The following RNGTT variants were observed in gnomAD, a reference collection of about 807,000 sequenced individuals.
RNGTT encodes the protein mRNA-capping enzyme.
Under a neutral mutation model 79.3 loss-of-function variants are expected in RNGTT, and 33 were observed. The ratio of observed to expected loss-of-function variants is 0.42; its 90% CI spans 0.32 to 0.56. RNGTT has a LOEUF of 0.56. RNGTT is among the 20% of genes least tolerant of loss of function. The pLI is 0.17. For synonymous variants in RNGTT, 222 were observed against 235.9 expected (o/e 0.94, Z 0.54); for missense variants, 497 against 739.1 (o/e 0.67, Z 3.80).
chr6:88,903,282 G>C (rs1034749529), intron 6 of RNGTT, among the ~76,000 whole-genome samples: 2 of 152,278 alleles, frequency 1.3e-5, no homozygotes, highest in East Asian at 1.9e-4. Context: ...GAGGTAGAAG[G>C]ATCACTGAAC....
intron 6 of RNGTT, among the ~76,000 whole-genome samples, chr6:88,895,610 T>C (rs1783218898): frequency 6.6e-6 from 1 of 152,038 alleles, no homozygotes; most frequent in Admixed American, 6.6e-5. Flanking sequence ...AAAAATAAAG[T>C]CTCAAACCAA....
At chr6:88,931,564 G>C (rs1784514605) in intron 2 of RNGTT, among the ~76,000 whole-genome samples, 1 of 152,128 alleles carries the variant, frequency 6.6e-6, no homozygotes, top group Non-Finnish European at 1.5e-5. Flanking sequence ...GGTACCATGT[G>C]ATGCCTAAGA....
chr6:88,779,500 G>C (rs1422854363), intron 12 of RNGTT, among the ~76,000 whole-genome samples: 1 of 151,828 alleles, frequency 6.6e-6, no homozygotes. Flanking sequence ...ACATTCTCTT[G>C]CCTGGAAATC....
At chr6:88,875,827 A>T (rs895290117) in intron 8 of RNGTT, among the ~76,000 whole-genome samples, 13 of 152,218 alleles carry the variant, frequency 8.5e-5, no homozygotes, top group African/African-American at 2.9e-4. Flanking sequence ...AGCAATTTTA[A>T]AATTCATTTT....
chr6:88,834,461 G>A (rs1033623688), intron 11 of RNGTT, among the ~76,000 whole-genome samples: 1 of 152,118 alleles, frequency 6.6e-6, no homozygotes, highest in African/African-American at 2.4e-5. Flanking sequence ...ACATGATAAG[G>A]AATGGTCATC....
intron 13 of RNGTT, among the ~76,000 whole-genome samples, chr6:88,761,060 C>A (rs1778216441): frequency 6.7e-6 from 1 of 149,188 alleles, no homozygotes; most frequent in African/African-American, 2.5e-5. Flanking sequence ...CACATACACT[C>A]TAGTCAGCAG....
At chr6:88,941,772 T>C (rs575226452) in intron 1 of RNGTT, among the ~76,000 whole-genome samples, 9 of 151,918 alleles carry the variant, frequency 5.9e-5, no homozygotes, top group African/African-American at 2.2e-4. Context: ...CATGCCATTC[T>C]CCTGCCTCAG....
intron 8 of RNGTT, among the ~76,000 whole-genome samples, chr6:88,867,085 C>T (rs1582560264): frequency 6.6e-6 from 1 of 152,190 alleles, no homozygotes. Flanking sequence ...TCAGAATTAG[C>T]ATTTTAACAA....
chr6:88,824,288 T>C (rs1223497718), intron 11 of RNGTT, among the ~76,000 whole-genome samples: 1 of 152,164 alleles, frequency 6.6e-6, no homozygotes, highest in South Asian at 2.1e-4. Flanking sequence ...GCTACAAACC[T>C]GTACAGCATG....
At chr6:88,637,505 T>C (rs367656545) in intron 14 of RNGTT, among the ~76,000 whole-genome samples, 2 of 152,200 alleles carry the variant, frequency 1.3e-5, no homozygotes, top group South Asian at 2.1e-4. Flanking sequence ...AAGTTAGATA[T>C]CTGTGTCACA....
In RNGTT at chr6:88,654,276, C is replaced by T. The variant is rs534951925; in HGVS notation, c.1506+24077G>A. Among the ~76,000 whole-genome samples, 20 of 152,286 alleles carry T rather than the reference C, an allele frequency of 1.3e-4. 1 individual carries two copies. The South Asian group carries it at 3.1e-3, about 24-fold the overall frequency. On this transcript the variant is annotated intron_variant, in intron 14 of 15. Coordinates refer to ENST00000369485, the MANE Select transcript of RNGTT (RefSeq NM_003800.5). The stretch of plus-strand genomic sequence containing the variant: ...TCTTTTATTACTGTAATATGAAACA[C>T]TGAAAATTTTCCTCATCATTAAGAG...
intron 13 of RNGTT, among the ~76,000 whole-genome samples, chr6:88,683,019 T>C (rs1775148612): frequency 6.6e-6 from 1 of 152,006 alleles, no homozygotes; most frequent in South Asian, 2.1e-4. Flanking sequence ...CCAAAATATA[T>C]ATATGAAAAA....
chr6:88,700,814 G>C (rs745978697), intron 13 of RNGTT, among the ~76,000 whole-genome samples: 1 of 152,100 alleles, frequency 6.6e-6, no homozygotes, highest in Non-Finnish European at 1.5e-5. Flanking sequence ...TGGATGAATA[G>C]ATATGACTTA....
intron 8 of RNGTT, among the ~76,000 whole-genome samples, chr6:88,860,031 C>G (rs1781959696): frequency 6.6e-6 from 1 of 152,160 alleles, no homozygotes; most frequent in Non-Finnish European, 1.5e-5. Flanking sequence ...AGTTCATCAC[C>G]ACATAATGTA....
At chr6:88,713,737 T>A (rs1776400391) in intron 13 of RNGTT, among the ~76,000 whole-genome samples, 1 of 152,240 alleles carries the variant, frequency 6.6e-6, no homozygotes, top group African/African-American at 2.4e-5. Context: ...AAGAAAATAT[T>A]TTTTTAAAAT....
chr6:88,650,574 G>C (rs570988590), intron 14 of RNGTT, among the ~76,000 whole-genome samples: 1 of 151,988 alleles, frequency 6.6e-6, no homozygotes, highest in African/African-American at 2.4e-5. Context: ...TGTTTTCACT[G>C]AATCTAGCGT....
chr6:88,852,752 C>T (rs1781714767), intron 9 of RNGTT, among the ~76,000 whole-genome samples: 1 of 152,142 alleles, frequency 6.6e-6, no homozygotes, highest in African/African-American at 2.4e-5. Context: ...CTTGTACGGA[C>T]ATGTAGGCCC....
chr6:88,709,658 T>C (rs529222955), intron 13 of RNGTT, among the ~76,000 whole-genome samples: 1 of 152,368 alleles, frequency 6.6e-6, no homozygotes, highest in African/African-American at 2.4e-5. Flanking sequence ...TACATATCAG[T>C]TATCAGTGAG....
chr6:88,899,711 G>A (rs138624757), intron 6 of RNGTT, among the ~76,000 whole-genome samples: 2 of 152,306 alleles, frequency 1.3e-5, no homozygotes, highest in African/African-American at 4.8e-5. Context: ...AGGCCAGAGA[G>A]GTGAGCTAGA....
Sources: gnomAD v4.1 joint callset for allele counts (sites outside exome capture counted in the v4.1 genomes callset) on GRCh38, gnomAD v4.1.1 for gene constraint, MANE v1.5 for transcripts, NCBI Gene and HGNC (gene_info 2026-07-23, HGNC 2026-07-21) for gene names.